The following RABGAP1L variants were observed in gnomAD, a reference collection of about 807,000 sequenced individuals.
The protein encoded by RABGAP1L is RAB GTPase activating protein 1 like.
Under a neutral mutation model 137.7 loss-of-function variants are expected in RABGAP1L, and 63 were observed. That is an observed-to-expected ratio of 0.46 (90% CI 0.37 to 0.56). RABGAP1L has a LOEUF of 0.56. Among genes scored for constraint, RABGAP1L ranks in the 20% least tolerant of loss-of-function variants. The pLI, the probability that RABGAP1L is intolerant of heterozygous loss-of-function variation, is 0.00. For synonymous variants in RABGAP1L, 431 were observed against 433.7 expected (o/e 0.99, Z 0.08); for missense variants, 1,095 against 1,244.0 (o/e 0.88, Z 1.80).
intron 13 of RABGAP1L, among the ~76,000 whole-genome samples, chr1:174,499,492 A>G (rs1178180643): frequency 6.6e-6 from 1 of 152,154 alleles, no homozygotes; most frequent in Admixed American, 6.5e-5. Context: ...TTTATATAGT[A>G]TTGGAAAGCT....
At chr1:174,308,981 C>T (rs1678561594) in intron 11 of RABGAP1L, among the ~76,000 whole-genome samples, 1 of 151,936 alleles carries the variant, frequency 6.6e-6, no homozygotes, top group African/African-American at 2.4e-5. Flanking sequence ...GACATTTAAA[C>T]ATATTAATTC....
intron 14 of RABGAP1L, among the ~76,000 whole-genome samples, chr1:174,677,273 C>A (rs1222358643): frequency 6.6e-6 from 1 of 151,952 alleles, no homozygotes; most frequent in Non-Finnish European, 1.5e-5. Context: ...AGTGAGCCGA[C>A]AGAGGGAGAC....
At chr1:174,682,305 C>CAT (rs142554174) in intron 14 of RABGAP1L, among the ~76,000 whole-genome samples, 47,102 of 146,522 alleles carry the variant, frequency 0.32, 9,617 homozygotes, top group African/African-American at 0.6. Context: ...TCTATACATA[C>CAT]ATATATATAT....
At chr1:174,205,226 C>T (rs375690766) in intron 1 of RABGAP1L, among the ~76,000 whole-genome samples, 2 of 152,188 alleles carry the variant, frequency 1.3e-5, no homozygotes, top group East Asian at 1.9e-4. Flanking sequence ...AGGATTTTTG[C>T]GTTGATGTTC....
At chr1:174,501,158 A>G (rs780450921) in intron 13 of RABGAP1L, among the ~76,000 whole-genome samples, 29 of 151,730 alleles carry the variant, frequency 1.9e-4, no homozygotes, top group Admixed American at 1.1e-3. Flanking sequence ...AGAATCTTCC[A>G]TGCCCTCTGA....
intron 17 of RABGAP1L, among the ~76,000 whole-genome samples, chr1:174,725,045 G>A (rs919759918): frequency 5.3e-5 from 8 of 152,158 alleles, no homozygotes; most frequent in East Asian, 1.9e-4. Flanking sequence ...GCCATATTGA[G>A]GAGGACATGG....
At chr1:174,665,449 G>A (rs151245009) in intron 14 of RABGAP1L, among the ~76,000 whole-genome samples, 799 of 55,452 alleles carry the variant, frequency 0.014, 16 homozygotes, top group Admixed American at 0.1. Flanking sequence ...GCCCCGCCCC[G>A]CCTCGCCTTG....
At chr1:174,382,863 A>G (rs1426802905) in intron 12 of RABGAP1L, among the ~76,000 whole-genome samples, 43 of 149,978 alleles carry the variant, frequency 2.9e-4, no homozygotes, top group African/African-American at 5.1e-4. Context: ...GAGGAGAGAC[A>G]CTCTGCGTTT....
chr1:174,790,666 T>C (rs1468254759), intron 18 of RABGAP1L, among the ~76,000 whole-genome samples: 1 of 150,802 alleles, frequency 6.6e-6, no homozygotes, highest in African/African-American at 2.4e-5. Context: ...CAAAATGACA[T>C]TGGAATTGAA....
At position 174,415,857 on chromosome 1, in the gene RABGAP1L, G is replaced by A. The variant is rs117964816; in HGVS notation, c.1710+21712G>A. 8.5e-4 allele frequency among the ~76,000 whole-genome samples: 129 copies of A among 151,604 alleles called. 2 individuals carry two copies. In the East Asian group the frequency reaches 0.022, roughly 26 times the overall value. ...CTCAAGTATTTGCAGGGGTGATTCT[G>A]GTATGTTCACATAATTTTTGACTCA... On this transcript the variant is annotated intron_variant, in intron 13 of 25. Coordinates refer to ENST00000681986, the MANE Select transcript of RABGAP1L (RefSeq NM_001366446.1).
At chr1:174,463,405 C>T (rs1363732978) in intron 13 of RABGAP1L, among the ~76,000 whole-genome samples, 4 of 151,506 alleles carry the variant, frequency 2.6e-5, no homozygotes, top group Admixed American at 6.6e-5. Flanking sequence ...AGTAAACTAT[C>T]GCAAAAACAA....
intron 13 of RABGAP1L, among the ~76,000 whole-genome samples, chr1:174,438,744 GTATATATATA>G (rs71117563): frequency 0.02 from 1,882 of 95,454 alleles, 119 homozygotes; most frequent in African/African-American, 0.082. Flanking sequence ...GTGTGTGTGT[GTATATATATA>G]TATATATATA....
At chr1:174,217,181 A>G (rs545655026) in intron 1 of RABGAP1L, among the ~76,000 whole-genome samples, 2 of 152,320 alleles carry the variant, frequency 1.3e-5, no homozygotes, top group East Asian at 3.9e-4. Flanking sequence ...TGTAGAAGAT[A>G]GTGGTGTTAT....
At chr1:174,450,397 A>C (rs1209199473) in intron 13 of RABGAP1L, among the ~76,000 whole-genome samples, 3 of 152,190 alleles carry the variant, frequency 2.0e-5, no homozygotes, top group African/African-American at 7.2e-5. Flanking sequence ...ACGTTTTCTT[A>C]GCAAAATATA....
chr1:174,189,037 G>A (rs1232780978), intron 1 of RABGAP1L, among the ~76,000 whole-genome samples: 1 of 152,128 alleles, frequency 6.6e-6, no homozygotes, highest in Non-Finnish European at 1.5e-5. Context: ...ATGGAGTCTT[G>A]CTCTGTTGCC....
intron 12 of RABGAP1L, among the ~76,000 whole-genome samples, chr1:174,386,072 C>A (rs555049166): frequency 6.6e-6 from 1 of 152,088 alleles, no homozygotes; most frequent in South Asian, 2.1e-4. Context: ...GATGAATAGG[C>A]AAGAAAAGAT....
At chr1:174,278,342 G>C (rs1675184054) in intron 9 of RABGAP1L, among the ~76,000 whole-genome samples, 1 of 152,174 alleles carries the variant, frequency 6.6e-6, no homozygotes, top group South Asian at 2.1e-4. Flanking sequence ...GGAGGCGGAG[G>C]TTGCAGTGAG....
At chr1:174,522,138 G>A (rs142274786) in intron 13 of RABGAP1L, among the ~76,000 whole-genome samples, 5 of 152,072 alleles carry the variant, frequency 3.3e-5, no homozygotes, top group African/African-American at 4.8e-5. Flanking sequence ...CAGCTAGGCC[G>A]TCATACAGTA....
At chr1:174,558,459 C>G (rs1667015350) in intron 13 of RABGAP1L, among the ~76,000 whole-genome samples, 2 of 152,174 alleles carry the variant, frequency 1.3e-5, no homozygotes, top group Non-Finnish European at 1.5e-5. Context: ...AAGAGTTACC[C>G]TAGAGAGACA....
Sources: allele counts gnomAD v4.1 joint callset (sites outside exome capture counted in the v4.1 genomes callset), GRCh38; gene constraint gnomAD v4.1.1; transcripts MANE v1.5; gene names NCBI Gene and HGNC (gene_info 2026-07-23, HGNC 2026-07-21).